The following MXRA5 variants were observed in gnomAD, a reference collection of about 807,000 sequenced individuals.
The protein encoded by MXRA5 is matrix remodeling associated 5.
A neutral mutation model predicts 112.5 loss-of-function variants in MXRA5; 41 were observed. The observed-to-expected ratio is 0.36, with a 90% CI of 0.28 to 0.47. The LOEUF is 0.47. Ranked by LOEUF, MXRA5 falls within the 20% of genes least tolerant of loss-of-function variation. The pLI, the probability that MXRA5 is intolerant of heterozygous loss-of-function variation, is 0.99. For missense variants in MXRA5, 2,150 were observed against 2,251.0 expected (o/e 0.96, Z 0.91); for synonymous variants, 862 against 900.8 (o/e 0.96, Z 0.77).
chrX:3,335,369 G>C (rs979790173), intron 2 of MXRA5, among the ~76,000 whole-genome samples: 8 of 110,552 alleles, frequency 7.2e-5, no homozygotes, highest in African/African-American at 2.6e-4. Context: ...GCTAATTTTT[G>C]TATTTTTAGT....
chrX:3,334,198 T>C (rs188076584), intron 2 of MXRA5, among the ~76,000 whole-genome samples: 296 of 111,518 alleles, frequency 2.7e-3, no homozygotes, highest in African/African-American at 9.1e-3. Context: ...CCCGAGCTGG[T>C]CTTGACCTTC....
intron 2 of MXRA5, among the ~76,000 whole-genome samples, chrX:3,335,369 G>A (rs979790173): frequency 1.8e-5 from 2 of 110,551 alleles, no homozygotes; most frequent in Non-Finnish European, 3.8e-5. Flanking sequence ...GCTAATTTTT[G>A]TATTTTTAGT....
At position 3,337,554 on chromosome X, in the gene MXRA5, C is replaced by T. The variant is rs754660872; in HGVS notation, c.188+6092G>A. On this transcript the variant is annotated intron_variant, in intron 2 of 6. Coordinates refer to ENST00000217939, the MANE Select transcript of MXRA5 (RefSeq NM_015419.4). ...CTATCTATAATCCTCTCTATCAATC[C>T]ATCTATCATCCTATCATCTATCAAG... Among the ~76,000 whole-genome samples the T allele has an allele frequency of 7.0e-4, 78 of 111,869 alleles. No homozygotes were observed. In the Middle Eastern group the frequency reaches 0.023, roughly 34 times the overall value.
chrX:3,318,030 T>C, intron 5 of MXRA5, 27 bp from the exon 6 acceptor site: 1 of 1,127,711 alleles, frequency 8.9e-7, no homozygotes, highest in Non-Finnish European at 1.2e-6. Context: ...CAGTCAGCTT[T>C]GGCATAAACT....
rs764526886 is a variant in MXRA5, at chrX:3,322,592, T to C, written c.3093A>G (p.Gln1031=). 1 of 1,211,985 alleles carries C rather than the reference T, an allele frequency of 8.3e-7. No homozygotes were observed. Among genetic ancestry groups the C allele is most frequent in the South Asian group, 1.8e-5 (1 of 56,959 alleles). ...STIGEPGVPG[Q]SHLQGLTDNI... Reference sequence around the variant, plus strand: ...TGTCTGTCAGTCCTTGTAGATGTGATTGGCCTGGGACACCTGGTTCCCCTA... The same window carrying C: ...TGTCTGTCAGTCCTTGTAGATGTGACTGGCCTGGGACACCTGGTTCCCCTA... Residue 1031 remains glutamine, a synonymous_variant, in exon 5 of 7, where the codon CAA becomes CAG. Coordinates refer to ENST00000217939, the MANE Select transcript of MXRA5 (RefSeq NM_015419.4).
At chrX:3,341,152 T>TATATATTATAC (rs1921934575) in intron 2 of MXRA5, among the ~76,000 whole-genome samples, 2 of 55,130 alleles carry the variant, frequency 3.6e-5, no homozygotes, top group Admixed American at 3.5e-4. Flanking sequence ...ATACATATAT[T>TATATATTATAC]ATATATTATA....
Position 3,346,545 on chromosome X carries a change from C to A in MXRA5, c.-59G>T, listed in dbSNP as rs949418380. 5.2e-5 allele frequency: 39 copies of A among 753,156 alleles called. No individual in the cohort carries two copies. The highest frequency in any genetic ancestry group is 5.9e-5 in the Non-Finnish European group (38 of 639,050). The allele number at this position is 753,156 out of a possible 1,213,427, so 62.1% of individuals were successfully genotyped here. On this transcript the variant is annotated 5_prime_UTR_variant, in exon 1 of 7. Transcript: ENST00000217939. ...CTTGGGAAGCCGCCGCACACGGGAG[C>A]GGTGCGCCGGGAGCATCCACCGAGC...
Position 3,343,704 on chromosome X carries a change from G to A in MXRA5, c.130C>T (p.Arg44Ter). Residue 44 changes from arginine to a stop codon, truncating the protein, a stop_gained, in exon 2 of 7, where the codon CGA becomes TGA. Transcript: ENST00000217939. LOFTEE classifies it high-confidence loss of function. ...YVPSEVHCTF[R>*]SLASVPAGIA... ...CCAGCGGGCACGGAAGCCAGGGATC[G>A]GAACGTGCAGTGGACCTCGCTGGGG... 8.3e-7 allele frequency: 1 copy of A among 1,211,797 alleles called. No individual in the cohort carries two copies. Among genetic ancestry groups the A allele is most frequent in the Non-Finnish European group, 1.1e-6 (1 of 895,491 alleles).
In MXRA5 at chrX:3,323,280, G is replaced by A. The variant is rs1219674834; in HGVS notation, c.2405C>T (p.Pro802Leu). The A allele has an allele frequency of 6.6e-6, 8 of 1,209,264 alleles. No homozygotes were observed. The African/African-American group carries it at 1.1e-4, about 16-fold the overall frequency. Reference protein sequence around the residue: ...GKNLPKGTEVPPLIKTTSPPS... With the variant: ...GKNLPKGTEVLPLIKTTSPPS... ...AGGACTTGTGGTTTTAATCAATGGGGGTACTTCTGTGCCCTTAGGGAGATT... is the reference window on the plus strand; with the variant it reads ...AGGACTTGTGGTTTTAATCAATGGGAGTACTTCTGTGCCCTTAGGGAGATT... Residue 802 changes from proline (P) to leucine (L), a missense_variant, in exon 5 of 7, where the codon CCC (proline) becomes CTC (leucine). This residue lies in a region of MXRA5 where 1,485 missense variants were observed against 1,471.6 expected (regional missense o/e 1.01). Coordinates refer to ENST00000217939, the MANE Select transcript of MXRA5 (RefSeq NM_015419.4).
Position 3,317,235 on chromosome X carries a change from G to A in MXRA5, c.6446C>T (p.Thr2149Met), listed in dbSNP as rs746976020. Residue 2149 changes from threonine to methionine, a missense_variant, in exon 6 of 7, where the codon ACG (threonine) becomes ATG (methionine). Physicochemically the swap from Thr to Met is moderately conservative, Grantham distance 81. Transcript: ENST00000217939. ...VQRAAANARITGTSPRRTDVR... is the reference protein window; with the variant it reads ...VQRAAANARIMGTSPRRTDVR... ...GTCCGTCCTCCGCGGGGAGGTGCCC[G>A]TGATGCGCGCGTTGGCTGCTGCACG... 3.3e-6 allele frequency: 4 copies of A among 1,211,183 alleles called. No homozygotes were observed. Among genetic ancestry groups the A allele is most frequent in the African/African-American group, 1.7e-5 (1 of 58,028 alleles).
At position 3,324,209 on chromosome X, in the gene MXRA5, C is replaced by T; in HGVS notation, c.1476G>A (p.Leu492=). The stretch of plus-strand genomic sequence containing the variant: ...AGCTCAACTGGCATGGACCCCCTTC[C>T]AGGACAGTCTGATCTCTTTGCACAG... The part of the protein sequence containing the change: ...SGAVQRDQTV[L]EGGPCQLSCN... Residue 492 remains leucine, a synonymous_variant, in exon 5 of 7, where the codon CTG becomes CTA. Transcript: ENST00000217939. 1 of 1,211,869 alleles carries T rather than the reference C, an allele frequency of 8.3e-7. No individual in the cohort carries two copies. The highest frequency in any genetic ancestry group is 1.8e-5 in the South Asian group (1 of 56,953).
In MXRA5 at chrX:3,321,295, G is replaced by A. The variant is rs41305155; in HGVS notation, c.4390C>T (p.His1464Tyr). The change falls in exon 5 of 7, where the codon CAT becomes TAT. Residue 1464 changes from histidine (H) to tyrosine (Y), a missense_variant. This residue lies in a region of MXRA5 where 1,485 missense variants were observed against 1,471.6 expected (regional missense o/e 1.01). Coordinates refer to ENST00000217939, the MANE Select transcript of MXRA5 (RefSeq NM_015419.4). ...QAETTTLDQD[H>Y]LETTVAILLS... ...AGAATAGCCACAGTGGTTTCAAGATGATCTTGATCAAGGGTGGTGGTTTCT... is the reference window on the plus strand; with the variant it reads ...AGAATAGCCACAGTGGTTTCAAGATAATCTTGATCAAGGGTGGTGGTTTCT... 11,500 of 1,209,680 alleles carry A rather than the reference G, an allele frequency of 9.5e-3. 51 individuals are homozygous for A. Among genetic ancestry groups the A allele is most frequent in the Middle Eastern group, 0.012 (50 of 4,335 alleles).
chrX:3,314,026 G>A (rs1441669082), intron 6 of MXRA5, among the ~76,000 whole-genome samples: 1 of 111,558 alleles, frequency 9.0e-6, no homozygotes, highest in Admixed American at 9.5e-5. Flanking sequence ...AACCTTGGAC[G>A]CTGATTTTGC....
In MXRA5 at chrX:3,324,740, C is replaced by A; in HGVS notation, c.945G>T (p.Gln315His). The A allele has an allele frequency of 8.3e-7, 1 of 1,210,065 alleles. No homozygotes were observed. Among genetic ancestry groups the A allele is most frequent in the Non-Finnish European group, 1.1e-6 (1 of 894,395 alleles). ...CGGTCATATTCAAAGAGATGCTCCACTGGGGCAGTTGGAATTTCTCCAGGA... is the reference window on the plus strand; with the variant it reads ...CGGTCATATTCAAAGAGATGCTCCAATGGGGCAGTTGGAATTTCTCCAGGA... ...QLILEKFQLPQWSISLNMTDE... is the reference protein window; with the variant it reads ...QLILEKFQLPHWSISLNMTDE... The change falls in exon 5 of 7, where the codon CAG becomes CAT. Residue 315 changes from glutamine (Q) to histidine (H), a missense_variant. Around this residue, in one of 6 missense-constraint regions of MXRA5, gnomAD observed 386 missense variants for 411.0 expected, o/e 0.94. Coordinates refer to ENST00000217939, the MANE Select transcript of MXRA5 (RefSeq NM_015419.4).
chrX:3,336,560 C>T (rs1209551410), intron 2 of MXRA5, among the ~76,000 whole-genome samples: 1 of 111,576 alleles, frequency 9.0e-6, no homozygotes, highest in Non-Finnish European at 1.9e-5. Context: ...TAGAGAATGA[C>T]TGCTTCATGG....
intron 1 of MXRA5, among the ~76,000 whole-genome samples, chrX:3,344,835 C>T (rs1241988106): frequency 1.8e-5 from 2 of 111,030 alleles, no homozygotes; most frequent in African/African-American, 6.6e-5. Context: ...AAACCCAGGC[C>T]GGACTCGGTG....
chrX:3,319,577 C>T (rs1921239807), intron 5 of MXRA5, among the ~76,000 whole-genome samples: 2 of 112,650 alleles, frequency 1.8e-5, no homozygotes, highest in Admixed American at 9.4e-5. Flanking sequence ...AAGTAAGACT[C>T]CAGTAACTTT....
chrX:3,340,186 C>G (rs955162164), intron 2 of MXRA5, among the ~76,000 whole-genome samples: 8 of 111,956 alleles, frequency 7.1e-5, no homozygotes, highest in African/African-American at 2.6e-4. Context: ...GCAATGCTGA[C>G]AAAGAACCCT....
chrX:3,341,465 ATAT>A lies in MXRA5; in HGVS notation c.188+2178_188+2180del, dbSNP rs748972801. 1.5e-3 allele frequency among the ~76,000 whole-genome samples: 22 copies of A among 14,992 alleles called. 1 individual carries two copies. Among genetic ancestry groups the A allele is most frequent in the African/African-American group, 0.012 (17 of 1,406 alleles). 13.0% of individuals were successfully genotyped at this position (14,992 alleles called of 115,157 possible). On this transcript the variant is annotated intron_variant, in intron 2 of 6. Transcript: ENST00000217939. ...TTATTATATATAATATATGTAATAT[ATAT>A]TATTATTATATATAATATATGTAAT...
Sources: allele counts gnomAD v4.1 joint callset (sites outside exome capture counted in the v4.1 genomes callset), GRCh38; gene constraint gnomAD v4.1.1; regional missense constraint gnomAD v4.1.1; transcripts MANE v1.5; gene names NCBI Gene and HGNC (gene_info 2026-07-23, HGNC 2026-07-21).